Variants in ASIC2 observed in about 807,000 individuals in gnomAD.
The protein encoded by ASIC2 is acid sensing ion channel subunit 2.
ASIC2 carries 25 observed loss-of-function variants against 57.3 expected under a neutral mutation model. The observed-to-expected ratio is 0.44, with a 90% confidence interval of 0.32 to 0.61. ASIC2 has a LOEUF of 0.61. Ranked by LOEUF, ASIC2 falls within the 20% of genes least tolerant of loss-of-function variation. The probability of loss-of-function intolerance (pLI) is 0.06; values close to 1 mark genes in which losing one functional copy is unlikely to be tolerated. For missense variants in ASIC2, 641 were observed against 738.1 expected, an observed-to-expected ratio of 0.87 and a Z score of 1.52; for synonymous variants, 319 against 307.5, an observed-to-expected ratio of 1.04 and a Z score of -0.39.
At chr17:33,704,899 G>A (rs938451328) in intron 1 of ASIC2, among the ~76,000 whole-genome samples, 1 of 152,184 alleles carries the variant, frequency 6.6e-6, no homozygotes, top group African/African-American at 2.4e-5. Context: ...GAGAGAAAAT[G>A]ACTCCCTATA....
intron 1 of ASIC2, among the ~76,000 whole-genome samples, chr17:34,144,627 GTATTAT>G (rs1424167760): frequency 6.6e-6 from 1 of 152,088 alleles, no homozygotes; most frequent in African/African-American, 2.4e-5. Flanking sequence ...TGGGGTACCA[GTATTAT>G]TATTATTATT....
intron 1 of ASIC2, among the ~76,000 whole-genome samples, chr17:34,092,205 C>A (rs1910360073): frequency 6.6e-6 from 1 of 152,176 alleles, no homozygotes; most frequent in Non-Finnish European, 1.5e-5. Flanking sequence ...GTGTCAGGAT[C>A]AAGAGGCAAT....
intron 1 of ASIC2, among the ~76,000 whole-genome samples, chr17:33,382,050 TC>T (rs935964589): frequency 1.3e-5 from 2 of 152,144 alleles, no homozygotes; most frequent in Non-Finnish European, 2.9e-5. Context: ...ACGTTGGATC[TC>T]CCTGGTGCTG....
At chr17:33,397,406 C>G (rs1014484360) in intron 1 of ASIC2, among the ~76,000 whole-genome samples, 1 of 152,206 alleles carries the variant, frequency 6.6e-6, no homozygotes, top group South Asian at 2.1e-4. Context: ...AGAAGTCACT[C>G]TGCTCTGTAG....
At chr17:33,736,474 A>C (rs1239491485) in intron 1 of ASIC2, among the ~76,000 whole-genome samples, 1 of 152,182 alleles carries the variant, frequency 6.6e-6, no homozygotes, top group Non-Finnish European at 1.5e-5. Flanking sequence ...CCCCTGCCTC[A>C]GTGTCTCCCG....
intron 1 of ASIC2, among the ~76,000 whole-genome samples, chr17:33,323,703 G>C (rs988023768): frequency 3.9e-5 from 6 of 152,124 alleles, no homozygotes; most frequent in Non-Finnish European, 5.9e-5. Flanking sequence ...GACAGAGTGA[G>C]ACTTCTCTCC....
chr17:34,070,251 G>A (rs4795859), intron 1 of ASIC2: 136,547 of 151,818 alleles, frequency 0.9, 61,726 homozygotes, highest in African/African-American at 0.98. Context: ...TGGTGATGTG[G>A]TCTTACAGCC....
At chr17:33,694,755 G>C (rs1384029294) in intron 1 of ASIC2, among the ~76,000 whole-genome samples, 1 of 152,156 alleles carries the variant, frequency 6.6e-6, no homozygotes. Context: ...CTGGGACCTG[G>C]GGATGCTGTA....
intron 1 of ASIC2, among the ~76,000 whole-genome samples, chr17:33,660,922 C>G (rs1488603531): frequency 6.6e-6 from 1 of 152,220 alleles, no homozygotes. Flanking sequence ...ATGCACCAAG[C>G]CCACCCCACC....
chr17:33,696,817 T>G (rs551900431), intron 1 of ASIC2, among the ~76,000 whole-genome samples: 1 of 152,330 alleles, frequency 6.6e-6, no homozygotes, highest in African/African-American at 2.4e-5. Flanking sequence ...AAAATCTTAT[T>G]AAGCAAATCC....
At chr17:33,477,223 T>A (rs1317791898) in intron 1 of ASIC2, among the ~76,000 whole-genome samples, 1 of 152,176 alleles carries the variant, frequency 6.6e-6, no homozygotes, top group African/African-American at 2.4e-5. Flanking sequence ...ATGCAAAATA[T>A]CACCAAATTT....
At chr17:33,615,505 G>A (rs1309762930) in intron 1 of ASIC2, among the ~76,000 whole-genome samples, 1 of 152,196 alleles carries the variant, frequency 6.6e-6, no homozygotes, top group Non-Finnish European at 1.5e-5. Context: ...CTTCAAAAAT[G>A]AAGACTTCTA....
chr17:33,622,811 A>G (rs11650553), intron 1 of ASIC2, among the ~76,000 whole-genome samples: 79,475 of 152,088 alleles, frequency 0.52, 21,396 homozygotes, highest in African/African-American at 0.64. Flanking sequence ...CATGCTGTCA[A>G]CCTGAACCGA....
chr17:33,656,225 A>G (rs1410105462), intron 1 of ASIC2, among the ~76,000 whole-genome samples: 2 of 152,170 alleles, frequency 1.3e-5, no homozygotes, highest in Non-Finnish European at 2.9e-5. Context: ...AATAAGATAA[A>G]GGTTAAGTAA....
chr17:33,660,861 C>A (rs1907234708), intron 1 of ASIC2, among the ~76,000 whole-genome samples: 2 of 152,202 alleles, frequency 1.3e-5, no homozygotes, highest in South Asian at 4.1e-4. Flanking sequence ...TCCCACTGCA[C>A]CCACACGTTG....
chr17:33,865,793 A>T (rs1415244862), intron 1 of ASIC2, among the ~76,000 whole-genome samples: 2 of 146,740 alleles, frequency 1.4e-5, no homozygotes, highest in Admixed American at 6.8e-5. Context: ...ACGTTTTTTT[A>T]TTGAACTATG....
At chr17:33,295,125 A>T (rs1179350017), upstream of ASIC2, among the ~76,000 whole-genome samples, 1 of 152,122 alleles carries the variant, frequency 6.6e-6, no homozygotes, top group Admixed American at 6.5e-5. Context: ...TGGGTTTCTG[A>T]TGTGTTCAGC....
intron 1 of ASIC2, among the ~76,000 whole-genome samples, chr17:33,130,514 G>A (rs1410873412): frequency 6.6e-6 from 1 of 152,234 alleles, no homozygotes; most frequent in Non-Finnish European, 1.5e-5. Flanking sequence ...TTGATTGTCA[G>A]TTGAATGGGC....
intron 1 of ASIC2, among the ~76,000 whole-genome samples, chr17:33,849,481 C>A (rs1014988073): frequency 5.3e-5 from 8 of 152,268 alleles, no homozygotes; most frequent in African/African-American, 1.9e-4. Context: ...AGGATCCAAG[C>A]CTACGTTTCT....
Sources: gnomAD v4.1 joint callset for allele counts (sites outside exome capture counted in the v4.1 genomes callset) on GRCh38, gnomAD v4.1.1 for gene constraint, MANE v1.5 for transcripts, NCBI Gene and HGNC (gene_info 2026-07-23, HGNC 2026-07-21) for gene names.